PTPN6: variants seen among roughly 807,000 people sequenced by gnomAD.
The protein encoded by PTPN6 is tyrosine-protein phosphatase non-receptor type 6.
PTPN6 carries 18 observed loss-of-function variants against 81.5 expected under a neutral mutation model. The ratio of observed to expected loss-of-function variants is 0.22; its 90% confidence interval spans 0.15 to 0.33. The LOEUF (loss-of-function observed/expected upper bound fraction) is 0.33. Ranked by LOEUF, PTPN6 falls within the 10% of genes least tolerant of loss-of-function variation. The probability of loss-of-function intolerance (pLI) is 1.00; values close to 1 mark genes in which losing one functional copy is unlikely to be tolerated. For missense variants in PTPN6, 500 were observed against 794.2 expected (o/e 0.63, Z 4.45); for synonymous variants, 301 against 310.9 (o/e 0.97, Z 0.33).
chr12:6,950,439 C>T (rs1478182586), upstream of PTPN6, among the ~76,000 whole-genome samples: 4 of 150,000 alleles, frequency 2.7e-5, no homozygotes, highest in African/African-American at 7.4e-5. Flanking sequence ...ATCAACCAGC[C>T]CTGAGAAAAT....
Position 6,952,452 on chromosome 12 carries a change from C to A in PTPN6, c.326+275C>A. The A allele has an allele frequency of 1.9e-6, 1 of 536,628 alleles. No individual in the cohort carries two copies. The highest frequency in any genetic ancestry group is 2.1e-5 in the South Asian group (1 of 48,492). 33.2% of individuals were successfully genotyped at this position (536,628 alleles called of 1,614,324 possible). A position where few individuals can be genotyped will look rare whatever the true frequency, so the allele number is the denominator to read the frequency against. On this transcript the variant is annotated intron_variant, in intron 3 of 15. Coordinates refer to ENST00000318974, the MANE Select transcript of PTPN6 (RefSeq NM_002831.6). This position sits in a 1 kb window ranked among gnomAD's most constrained non-coding sequence, Gnocchi z 8.1. ...GCCCTGGCCGCTGCAACCCAGGTCC[C>A]ACTGGAGACAGGGAGGCCACTGCTG...
chr12:6,955,719 G>A lies in PTPN6; in HGVS notation c.807G>A (p.Glu269=), dbSNP rs1264229630. ...LHQRLEGQRP[E]NKGKNRYKNI... is the part of the protein sequence containing the mutation. ...AGCGTCTGGAAGGGCAGCGGCCAGA[G>A]AACAAGGGCAAGAACCGCTACAAGA... is the stretch of plus-strand genomic sequence containing the variant. Residue 269 remains glutamate (E), a synonymous_variant, in exon 7 of 16, where the codon GAG becomes GAA. Coordinates refer to ENST00000318974, the MANE Select transcript of PTPN6 (RefSeq NM_002831.6). This position sits in a 1 kb window ranked among gnomAD's most constrained non-coding sequence, Gnocchi z 7.2. The A allele has an allele frequency of 6.8e-6, 11 of 1,613,888 alleles. No homozygotes were observed. The African/African-American group carries it at 1.1e-4, about 16-fold the overall frequency.
rs1946044150 is a variant in PTPN6, at chr12:6,957,033, T to C, written c.1074+465T>C. ...TAAAGTCGCACTCTAAGGCCTGGCATTCAAGGTCTGGTGGCTTCCCTCTGA... is the reference window on the plus strand; with the variant it reads ...TAAAGTCGCACTCTAAGGCCTGGCACTCAAGGTCTGGTGGCTTCCCTCTGA... On this transcript the variant is annotated intron_variant, in intron 9 of 15. Transcript: ENST00000318974. This position sits in a 1 kb window ranked among gnomAD's most constrained non-coding sequence, Gnocchi z 6.5. Among the ~76,000 whole-genome samples, 1 of 152,202 alleles carries C rather than the reference T, an allele frequency of 6.6e-6. No homozygotes were observed. Among genetic ancestry groups the C allele is most frequent in the Admixed American group, 6.5e-5 (1 of 15,280 alleles).
At position 6,952,060 on chromosome 12, in the gene PTPN6, C is replaced by T; in HGVS notation, c.209C>T (p.Ala70Val). The change falls in exon 3 of 16, where the codon GCG becomes GTG. Residue 70 changes from alanine (A) to valine (V), a missense_variant. By Grantham distance (64) the Ala-to-Val change is moderately conservative. Coordinates refer to ENST00000318974, the MANE Select transcript of PTPN6 (RefSeq NM_002831.6). The surrounding 1 kb of genome is among the most constrained non-coding windows in gnomAD (Gnocchi z 8.1). ...FYDLYGGEKF[A>V]TLTELVEYYT... ...GACCTGTATGGAGGGGAGAAGTTTG[C>T]GACTCTGACAGAGCTGGTGGAGTAC... 6.2e-6 allele frequency: 10 copies of T among 1,614,122 alleles called. No homozygotes were observed. Among genetic ancestry groups the T allele is most frequent in the Non-Finnish European group, 8.5e-6 (10 of 1,179,998 alleles).
upstream of PTPN6, chr12:6,951,122 G>A: frequency 1.3e-6 from 1 of 783,256 alleles, no homozygotes; most frequent in Non-Finnish European, 1.8e-6. The surrounding 1 kb of genome is among the most constrained non-coding windows in gnomAD (Gnocchi z 7.2). Context: ...TCTGGGCCTG[G>A]AGTGTGCAAG....
At chr12:6,947,763 G>A (rs1391417339), upstream of PTPN6, among the ~76,000 whole-genome samples, 4 of 152,230 alleles carry the variant, frequency 2.6e-5, no homozygotes, top group Admixed American at 2.6e-4. Context: ...GATCAGGGAG[G>A]CCTTCCCGAG....
At position 6,959,463 on chromosome 12, in the gene PTPN6, C is replaced by T; in HGVS notation, c.1362-464C>T. ...TGAGTCCCCTGACCCTGTGCCCCCG[C>T]ACCCTGCTGTCTCAGGGCTATCCTT... is the stretch of plus-strand genomic sequence containing the variant. On this transcript the variant is annotated intron_variant, in intron 11 of 15. Coordinates refer to ENST00000318974, the MANE Select transcript of PTPN6 (RefSeq NM_002831.6). The surrounding 1 kb of genome is among the most constrained non-coding windows in gnomAD (Gnocchi z 6.6). The T allele has an allele frequency of 3.8e-6, 1 of 264,290 alleles. No homozygotes were observed. Among genetic ancestry groups the T allele is most frequent in the East Asian group, 1.0e-4 (1 of 9,824 alleles). The allele number at this position is 264,290 out of a possible 1,614,324, so 16.4% of individuals were successfully genotyped here. A position where few individuals can be genotyped will look rare whatever the true frequency, so the allele number is the denominator to read the frequency against.
At position 6,956,572 on chromosome 12, in the gene PTPN6, G is replaced by C; in HGVS notation, c.1074+4G>C. 6.2e-7 allele frequency: 1 copy of C among 1,613,336 alleles called. No homozygotes were observed. Among genetic ancestry groups the C allele is most frequent in the Non-Finnish European group, 8.5e-7 (1 of 1,179,992 alleles). ...CCGAGAGGTGGAGAAAGGCCGGGTA[G>C]GGCGCCCCCCCTTCCCCGCATCCGC... On this transcript the variant is annotated splice_donor_region_variant and intron_variant, in intron 9 of 15. Transcript: ENST00000318974. The surrounding 1 kb of genome is among the most constrained non-coding windows in gnomAD (Gnocchi z 4.1).
Position 6,952,227 on chromosome 12 carries a change from C to T in PTPN6, c.326+50C>T. On this transcript the variant is annotated intron_variant, in intron 3 of 15. Coordinates refer to ENST00000318974, the MANE Select transcript of PTPN6 (RefSeq NM_002831.6). The surrounding 1 kb of genome is among the most constrained non-coding windows in gnomAD (Gnocchi z 8.1). ...TCCCAAGCAGGGATGAGCCGGCTCC[C>T]ACCCTGAACAGCCAGGGAGGCAGGG... 6.2e-7 allele frequency: 1 copy of T among 1,603,718 alleles called. No individual in the cohort carries two copies. Among genetic ancestry groups the T allele is most frequent in the Non-Finnish European group, 8.5e-7 (1 of 1,172,758 alleles).
Position 6,958,182 on chromosome 12 carries a change from T to C in PTPN6, c.1361+109T>C, listed in dbSNP as rs1555149101. The C allele has an allele frequency of 2.1e-6, 3 of 1,437,978 alleles. No homozygotes were observed. The East Asian group carries it at 7.3e-5, about 35-fold the overall frequency. 89.1% of individuals were successfully genotyped at this position (1,437,978 alleles called of 1,614,324 possible). On this transcript the variant is annotated intron_variant, in intron 11 of 15. Transcript: ENST00000318974. ...ACGTTAGCTCGCACATTGAGTGCCC[T>C]CCGCTCACCCCCGGCTTCTCCTGGG...
rs1565584932 is a variant in PTPN6 at position 6,959,970 on chromosome 12, C to G, written c.1405C>G (p.Leu469Val). The G allele has an allele frequency of 6.2e-7, 1 of 1,608,156 alleles. No homozygotes were observed. The highest frequency in any genetic ancestry group is 2.2e-5 in the East Asian group (1 of 44,600). ...RTGTIIVIDM[L>V]MENISTKGLD... Reference sequence around the variant, plus strand: ...AGGCACCATCATTGTCATCGACATGCTCATGGAGAACATCTCCACCAAGGG... The same window carrying G: ...AGGCACCATCATTGTCATCGACATGGTCATGGAGAACATCTCCACCAAGGG... Residue 469 changes from leucine to valine, a missense_variant, in exon 12 of 16, where the codon CTC becomes GTC. Physicochemically the swap from Leu to Val is conservative, Grantham distance 32. Coordinates refer to ENST00000318974, the MANE Select transcript of PTPN6 (RefSeq NM_002831.6). The surrounding 1 kb of genome is among the most constrained non-coding windows in gnomAD (Gnocchi z 6.6).
chr12:6,947,883 C>A (rs1186099278), upstream of PTPN6, among the ~76,000 whole-genome samples: 1 of 151,904 alleles, frequency 6.6e-6, no homozygotes, highest in Non-Finnish European at 1.5e-5. Context: ...AGCACAAAGC[C>A]CTAATGTGGG....
At position 6,952,697 on chromosome 12, in the gene PTPN6, T is replaced by C; in HGVS notation, c.326+520T>C. On this transcript the variant is annotated intron_variant, in intron 3 of 15. Coordinates refer to ENST00000318974, the MANE Select transcript of PTPN6 (RefSeq NM_002831.6). This position sits in a 1 kb window ranked among gnomAD's most constrained non-coding sequence, Gnocchi z 8.1. Reference sequence around the variant, plus strand: ...TCTGTCCTGTGGGGTCAAATAGGTCTCCGGCCCAAACAGAGATCATTGAGA... The same window carrying C: ...TCTGTCCTGTGGGGTCAAATAGGTCCCCGGCCCAAACAGAGATCATTGAGA... 1 of 199,626 alleles carries C rather than the reference T, an allele frequency of 5.0e-6. No homozygotes were observed. Among genetic ancestry groups the C allele is most frequent in the Non-Finnish European group, 1.1e-5 (1 of 95,230 alleles). The allele number at this position is 199,626 out of a possible 1,614,324, so 12.4% of individuals were successfully genotyped here.
Position 6,959,477 on chromosome 12 carries a change from A to T in PTPN6, c.1362-450A>T. The T allele has an allele frequency of 3.7e-6, 1 of 273,882 alleles. No individual in the cohort carries two copies. The highest frequency in any genetic ancestry group is 7.2e-6 in the Non-Finnish European group (1 of 138,230). The allele number at this position is 273,882 out of a possible 1,614,324, so 17.0% of individuals were successfully genotyped here. A position where few individuals can be genotyped will look rare whatever the true frequency, so the allele number is the denominator to read the frequency against. On this transcript the variant is annotated intron_variant, in intron 11 of 15. Coordinates refer to ENST00000318974, the MANE Select transcript of PTPN6 (RefSeq NM_002831.6). The surrounding 1 kb of genome is among the most constrained non-coding windows in gnomAD (Gnocchi z 6.6). Reference sequence around the variant, plus strand: ...CTGTGCCCCCGCACCCTGCTGTCTCAGGGCTATCCTTTCCCTGACGTCAGG... The same window carrying T: ...CTGTGCCCCCGCACCCTGCTGTCTCTGGGCTATCCTTTCCCTGACGTCAGG...
At chr12:6,946,816 C>T (rs1945827623), upstream of PTPN6, 8 of 1,444,480 alleles carry the variant, frequency 5.5e-6, no homozygotes, top group African/African-American at 1.4e-5. Flanking sequence ...ATGCTCACTC[C>T]GACGTGTGTG....
upstream of PTPN6, among the ~76,000 whole-genome samples, chr12:6,950,326 CCT>C (rs1230836244): frequency 1.3e-5 from 2 of 152,016 alleles, no homozygotes; most frequent in Non-Finnish European, 2.9e-5. Context: ...TTATGTATCC[CCT>C]GTTGAGCTGC....
upstream of PTPN6, chr12:6,951,222 C>A (rs781939800): frequency 1.5e-5 from 22 of 1,421,032 alleles, no homozygotes; most frequent in Non-Finnish European, 2.0e-5. The surrounding 1 kb of genome is among the most constrained non-coding windows in gnomAD (Gnocchi z 7.2). Flanking sequence ...GAAGTGGGCC[C>A]CGTCCCCACC....
rs1945979687 is a variant in PTPN6 at position 6,954,224 on chromosome 12, AC to A, written c.327-577del. On this transcript the variant is annotated intron_variant, in intron 3 of 15. Transcript: ENST00000318974. The surrounding 1 kb of genome is among the most constrained non-coding windows in gnomAD (Gnocchi z 5.4). ...CTTCCCCGCCTCCCTGGCGGAGCGC[AC>A]CCCATCCGCCTTCCTTGTGACTTGA... 6.6e-6 allele frequency among the ~76,000 whole-genome samples: 1 copy of A among 151,968 alleles called. No homozygotes were observed. The highest frequency in any genetic ancestry group is 2.4e-5 in the African/African-American group (1 of 41,350).
In PTPN6 at chr12:6,954,729, C is replaced by G; in HGVS notation, c.327-76C>G. The G allele has an allele frequency of 6.9e-7, 1 of 1,459,276 alleles. No homozygotes were observed. The highest frequency in any genetic ancestry group is 9.4e-7 in the Non-Finnish European group (1 of 1,064,588). The allele number at this position is 1,459,276 out of a possible 1,614,324, so 90.4% of individuals were successfully genotyped here. Reference sequence around the variant, plus strand: ...CACAGTAGGTGCTTGATTTCCGGCCCCTCTCTGTGAATGTCTCTGCTCAGC... The same window carrying G: ...CACAGTAGGTGCTTGATTTCCGGCCGCTCTCTGTGAATGTCTCTGCTCAGC... On this transcript the variant is annotated intron_variant, in intron 3 of 15. Coordinates refer to ENST00000318974, the MANE Select transcript of PTPN6 (RefSeq NM_002831.6). This position sits in a 1 kb window ranked among gnomAD's most constrained non-coding sequence, Gnocchi z 5.4.
Sources: gnomAD v4.1 joint callset for allele counts (sites outside exome capture counted in the v4.1 genomes callset) on GRCh38, gnomAD v4.1.1 for gene constraint, Gnocchi (gnomAD v3.1) non-coding constraint, MANE v1.5 for transcripts, NCBI Gene and HGNC (gene_info 2026-07-23, HGNC 2026-07-21) for gene names.